The following ATRX variants were observed in gnomAD, a reference collection of about 807,000 sequenced individuals.
The protein encoded by ATRX is chromatin remodeler ATRX.
Under a neutral mutation model 172.6 loss-of-function variants are expected in ATRX, and 12 were observed. The ratio of observed to expected loss-of-function variants is 0.07; its 90% CI spans 0.04 to 0.11. The LOEUF (loss-of-function observed/expected upper bound fraction) is 0.11, where lower values mean the gene tolerates loss of function less well. ATRX is among the 10% of genes least tolerant of loss of function. ATRX has a pLI of 1.00. For synonymous variants in ATRX, 674 were observed against 594.7 expected (o/e 1.13, Z -1.94); for missense variants, 1,368 against 1,767.4 (o/e 0.77, Z 4.05).
At chrX:77,619,834 T>C (rs1421626786) in intron 20 of ATRX, among the ~76,000 whole-genome samples, 2 of 112,147 alleles carry the variant, frequency 1.8e-5, no homozygotes, top group Non-Finnish European at 3.8e-5. Flanking sequence ...TTCAATTAGT[T>C]ACTTGCTGAA....
At chrX:77,600,304 A>C in intron 23 of ATRX, 130 bp downstream of exon 23, 1 of 780,955 alleles carries the variant, frequency 1.3e-6, no homozygotes, top group Non-Finnish European at 1.9e-6. Context: ...CAAGACATAT[A>C]GAAATTAGAA....
intron 15 of ATRX, among the ~76,000 whole-genome samples, chrX:77,650,360 G>A (rs998164542): frequency 9.0e-6 from 1 of 111,539 alleles, no homozygotes; most frequent in Non-Finnish European, 1.9e-5. Context: ...CAATTTATAC[G>A]AAATATAGAA....
At chrX:77,541,348 TCCAGGA>T (rs1411586747) in intron 30 of ATRX, among the ~76,000 whole-genome samples, 1 of 111,413 alleles carries the variant, frequency 9.0e-6, no homozygotes, top group East Asian at 2.8e-4. Context: ...CAAAAGGAAG[TCCAGGA>T]CCAGATGGAT....
chrX:77,590,199 T>G (rs1210625201), intron 26 of ATRX, among the ~76,000 whole-genome samples: 2 of 110,966 alleles, frequency 1.8e-5, no homozygotes, highest in African/African-American at 3.3e-5. Context: ...ACCAAGACAG[T>G]GTAGTAAAGG....
intron 1 of ATRX, among the ~76,000 whole-genome samples, chrX:77,762,440 T>C (rs2075753780): frequency 9.0e-6 from 1 of 110,817 alleles, no homozygotes; most frequent in Non-Finnish European, 1.9e-5. Context: ...ATATTACTTG[T>C]ACATAGCTCT....
chrX:77,640,525 A>C (rs1332547496), intron 15 of ATRX, among the ~76,000 whole-genome samples: 4 of 111,311 alleles, frequency 3.6e-5, no homozygotes, highest in African/African-American at 1.3e-4. Context: ...GCTTCCAGTC[A>C]TGATGGTTTA....
chrX:77,545,229 T>G (rs1196831861), intron 30 of ATRX, among the ~76,000 whole-genome samples: 3 of 112,035 alleles, frequency 2.7e-5, no homozygotes, highest in Admixed American at 1.9e-4. Flanking sequence ...ATAATCATCA[T>G]CCCCATATTA....
At chrX:77,688,761 G>A (rs2071721921) in intron 7 of ATRX, 57 bp downstream of exon 7, 22 of 990,233 alleles carry the variant, frequency 2.2e-5, no homozygotes, top group Non-Finnish European at 3.2e-5. Flanking sequence ...CAAAGGCCTG[G>A]TATATGGTAA....
At position 77,733,972 on chromosome X, in the gene ATRX, G is replaced by A. The variant is rs191020127; in HGVS notation, c.21-16729C>T. Among the ~76,000 whole-genome samples the A allele has an allele frequency of 1.2e-4, 13 of 109,640 alleles. No homozygotes were observed. The East Asian group carries it at 2.9e-3, about 24-fold the overall frequency. ...TAATCCCAACACTTTGGGAAGCTGA[G>A]GTGAGCAGATCACAAGGTCAGGAGT... On this transcript the variant is annotated intron_variant, in intron 1 of 34. Transcript: ENST00000373344.
chrX:77,522,808 A>G (rs1335516950), intron 31 of ATRX, among the ~76,000 whole-genome samples: 1 of 112,142 alleles, frequency 8.9e-6, no homozygotes, highest in Non-Finnish European at 1.9e-5. Context: ...CTGCTGGAGC[A>G]AATGGCATTA....
intron 28 of ATRX, chrX:77,561,609 T>C (rs2065022375): frequency 1.8e-5 from 2 of 111,279 alleles, no homozygotes; most frequent in South Asian, 7.6e-4. Flanking sequence ...ACTGAACAAA[T>C]TGTTCTATAA....
chrX:77,689,484 T>C (rs781839690), intron 6 of ATRX, among the ~76,000 whole-genome samples: 1 of 111,944 alleles, frequency 8.9e-6, no homozygotes, highest in Non-Finnish European at 1.9e-5. Flanking sequence ...ACTGCCTTTT[T>C]TCTATGTGTA....
chrX:77,566,035 A>T (rs980402831), intron 28 of ATRX, among the ~76,000 whole-genome samples: 1 of 110,881 alleles, frequency 9.0e-6, no homozygotes, highest in African/African-American at 3.3e-5. Flanking sequence ...GGACTATAAC[A>T]AAAGATTTAA....
chrX:77,683,730 G>C lies in ATRX; in HGVS notation c.1526C>G (p.Thr509Ser), dbSNP rs1557141410. 3.3e-6 allele frequency: 4 copies of C among 1,210,908 alleles called. No individual in the cohort carries two copies. Among genetic ancestry groups the C allele is most frequent in the Admixed American group, 2.2e-5 (1 of 45,944 alleles). Reference protein sequence around the residue: ...KEEPQYEPANTSEDLDMDIVS... With the variant: ...KEEPQYEPANSSEDLDMDIVS... ...AATATCCATGTCTAAATCTTCAGAA[G>C]TGTTGGCAGGTTCATATTGAGGTTC... The change falls in exon 9 of 35, where the codon ACT (threonine) becomes AGT (serine). Residue 509 changes from threonine (T) to serine (S), a missense_variant. Physicochemically the swap from Thr to Ser is moderately conservative, Grantham distance 58. Coordinates refer to ENST00000373344, the MANE Select transcript of ATRX (RefSeq NM_000489.6).
At chrX:77,564,894 C>A (rs782233537) in intron 28 of ATRX, among the ~76,000 whole-genome samples, 6 of 111,551 alleles carry the variant, frequency 5.4e-5, no homozygotes, top group Non-Finnish European at 1.1e-4. Flanking sequence ...ACCTTTCTAC[C>A]GTAACCAAGT....
rs1264302937 is a variant in ATRX at position 77,504,891 on chromosome X, T to G, written c.*3460A>C. On this transcript the variant is annotated 3_prime_UTR_variant, in exon 35 of 35. Transcript: ENST00000373344. ...TTTGACACAGTATATATTTCGGATT[T>G]AAAACTTTATTCACCCCATATAATA... The G allele has an allele frequency of 5.5e-5, 8 of 146,288 alleles. No homozygotes were observed. Among genetic ancestry groups the G allele is most frequent in the Non-Finnish European group, 1.1e-4 (8 of 74,083 alleles). 12.1% of individuals were successfully genotyped at this position (146,288 alleles called of 1,213,427 possible).
intron 1 of ATRX, among the ~76,000 whole-genome samples, chrX:77,781,712 C>A (rs2076578193): frequency 9.0e-6 from 1 of 111,315 alleles, no homozygotes; most frequent in African/African-American, 3.3e-5. Flanking sequence ...ACCCTCCTTT[C>A]ACTGCCCTGT....
At chrX:77,579,826 C>T (rs782166531) in intron 27 of ATRX, among the ~76,000 whole-genome samples, 19 of 111,956 alleles carry the variant, frequency 1.7e-4, no homozygotes, top group South Asian at 3.7e-4. Flanking sequence ...AACAGGGAAT[C>T]GGGAAAATCC....
chrX:77,698,760 A>G, intron 2 of ATRX, 131 bp from the exon 3 acceptor site: 1 of 516,319 alleles, frequency 1.9e-6, no homozygotes, highest in South Asian at 2.8e-5. Context: ...TACTACTCAC[A>G]TTAAAATATT....
Sources: allele counts gnomAD v4.1 joint callset (sites outside exome capture counted in the v4.1 genomes callset), GRCh38; gene constraint gnomAD v4.1.1; transcripts MANE v1.5; gene names NCBI Gene and HGNC (gene_info 2026-07-23, HGNC 2026-07-21).